CCDC61: variants seen among roughly 807,000 people sequenced by gnomAD.
The protein encoded by CCDC61 is coiled-coil domain containing 61.
CCDC61 carries 55 observed loss-of-function variants against 63.0 expected under a neutral mutation model. That is an observed-to-expected ratio of 0.87 (90% CI 0.70 to 1.09). The LOEUF (loss-of-function observed/expected upper bound fraction) is 1.09. CCDC61 is among the 50% of genes least tolerant of loss of function. The pLI, the probability that CCDC61 is intolerant of heterozygous loss-of-function variation, is 0.00. For synonymous variants in CCDC61, 270 were observed against 317.0 expected, an observed-to-expected ratio of 0.85 and a Z score of 1.58; for missense variants, 651 against 731.4, an observed-to-expected ratio of 0.89 and a Z score of 1.27.
rs1369974250 is a variant in CCDC61, at chr19:46,016,499, C to A, written c.1091+106C>A. 7 of 1,424,766 alleles carry A rather than the reference C, an allele frequency of 4.9e-6. No individual in the cohort carries two copies. In the African/African-American group the frequency reaches 9.9e-5, roughly 20 times the overall value. The allele number at this position is 1,424,766 out of a possible 1,614,324, so 88.3% of individuals were successfully genotyped here. On this transcript the variant is annotated intron_variant, in intron 9 of 13. Transcript: ENST00000595358. The surrounding 1 kb of genome is among the most constrained non-coding windows in gnomAD (Gnocchi z 7.2). Reference sequence around the variant, plus strand: ...CAGTCTCCATCCCCTGCCACCTGCTCGCTTCTCGCCGGATACCCCGCCTGC... The same window carrying A: ...CAGTCTCCATCCCCTGCCACCTGCTAGCTTCTCGCCGGATACCCCGCCTGC...
chr19:45,999,926 C>A, intron 1 of CCDC61: 1 of 705,786 alleles, frequency 1.4e-6, no homozygotes, highest in Non-Finnish European at 1.7e-6. Flanking sequence ...GCCTCGAAGG[C>A]ACCGCTGGGA....
At chr19:45,995,745 G>T (rs538783326) in intron 1 of CCDC61, among the ~76,000 whole-genome samples, 3 of 152,126 alleles carry the variant, frequency 2.0e-5, no homozygotes, top group Non-Finnish European at 4.4e-5. Context: ...GGGGAAAGTT[G>T]TAAAGCAGGA....
Position 46,008,316 on chromosome 19 carries a change from GGTGGGCAGCTGGGGC to G in CCDC61, c.551+17_551+31del. 1 of 1,355,762 alleles carries G rather than the reference GGTGGGCAGCTGGGGC, an allele frequency of 7.4e-7. No homozygotes were observed. The highest frequency in any genetic ancestry group is 1.0e-6 in the Non-Finnish European group (1 of 967,646). The allele number at this position is 1,355,762 out of a possible 1,614,324, so 84.0% of individuals were successfully genotyped here. On this transcript the variant is annotated intron_variant, in intron 5 of 13. Coordinates refer to ENST00000595358, the MANE Select transcript of CCDC61 (RefSeq NM_001267723.2). ...CTGCGGGAGCAGTGAGTCTTGGAGG[GGTGGGCAGCTGGGGC>G]GGGTGGGGGCCCTCCCATCATGCAC...
chr19:46,013,606 C>T (rs1033524743), intron 5 of CCDC61, among the ~76,000 whole-genome samples: 6 of 151,992 alleles, frequency 3.9e-5, no homozygotes, highest in South Asian at 2.1e-4. Flanking sequence ...CGGTGGCTCA[C>T]GCCTGTAATC....
In CCDC61 at chr19:46,016,630, G is replaced by T. The variant is rs1431100208; in HGVS notation, c.1092-64G>T. The stretch of plus-strand genomic sequence containing the variant: ...TGGCGTGGCTGTGACCTTTAGGGGC[G>T]CAGTGACCCCCTTGCCTGCAGGAGT... On this transcript the variant is annotated intron_variant, in intron 9 of 13. Coordinates refer to ENST00000595358, the MANE Select transcript of CCDC61 (RefSeq NM_001267723.2). This position sits in a 1 kb window ranked among gnomAD's most constrained non-coding sequence, Gnocchi z 7.2. The T allele has an allele frequency of 3.8e-6, 6 of 1,590,058 alleles. No individual in the cohort carries two copies. Among genetic ancestry groups the T allele is most frequent in the African/African-American group, 1.3e-5 (1 of 74,430 alleles).
intron 5 of CCDC61, among the ~76,000 whole-genome samples, chr19:46,011,574 A>G (rs1180323830): frequency 6.6e-6 from 1 of 152,248 alleles, no homozygotes. Context: ...ACTTGCAGTG[A>G]AGTGGTGGCT....
At position 46,016,528 on chromosome 19, in the gene CCDC61, C is replaced by T. The variant is rs1968940244; in HGVS notation, c.1091+135C>T. The T allele has an allele frequency of 1.4e-5, 19 of 1,368,384 alleles. No individual in the cohort carries two copies. In the South Asian group the frequency reaches 2.4e-4, roughly 17 times the overall value. 84.8% of individuals were successfully genotyped at this position (1,368,384 alleles called of 1,614,324 possible). Reference sequence around the variant, plus strand: ...TCTCGCCGGATACCCCGCCTGCTCTCCCTTCCGTCCGTCCTACCTCCTCGT... The same window carrying T: ...TCTCGCCGGATACCCCGCCTGCTCTTCCTTCCGTCCGTCCTACCTCCTCGT... On this transcript the variant is annotated intron_variant, in intron 9 of 13. Coordinates refer to ENST00000595358, the MANE Select transcript of CCDC61 (RefSeq NM_001267723.2). The surrounding 1 kb of genome is among the most constrained non-coding windows in gnomAD (Gnocchi z 7.2).
At chr19:46,006,400 T>G (rs928742024) in intron 3 of CCDC61, among the ~76,000 whole-genome samples, 159 bp from the exon 4 acceptor site, 10 of 152,258 alleles carry the variant, frequency 6.6e-5, no homozygotes, top group African/African-American at 1.9e-4. Context: ...GAAGTCCTTG[T>G]GTCTGCCCTA....
Position 46,018,137 on chromosome 19 carries a change from G to C in CCDC61, c.1428G>C (p.Trp476Cys), listed in dbSNP as rs1968986398. 1 of 1,607,536 alleles carries C rather than the reference G, an allele frequency of 6.2e-7. No homozygotes were observed. Among genetic ancestry groups the C allele is most frequent in the African/African-American group, 1.3e-5 (1 of 74,600 alleles). ...HQKSLANSGG[W>C]VPIKEYSSEH... is the part of the protein sequence containing the mutation. ...AATCTCTGGCCAACTCCGGGGGCTG[G>C]GTCCCCATCAAAGGTGAGCCTGGGA... The change falls in exon 13 of 14, where the codon TGG (tryptophan) becomes TGC (cysteine). Residue 476 changes from tryptophan (W) to cysteine (C), a missense_variant. Transcript: ENST00000595358. The surrounding 1 kb of genome is among the most constrained non-coding windows in gnomAD (Gnocchi z 4.2).
At chr19:46,017,204 A>G (rs1240556683) in intron 11 of CCDC61, 43 bp from the exon 12 acceptor site, 2 of 1,546,002 alleles carry the variant, frequency 1.3e-6, no homozygotes, top group South Asian at 1.2e-5. Context: ...GGGAAGTACC[A>G]GAGCCTCCCC....
intron 1 of CCDC61, among the ~76,000 whole-genome samples, chr19:46,000,471 G>A (rs1968570078): frequency 1.3e-5 from 2 of 149,268 alleles, no homozygotes; most frequent in Non-Finnish European, 3.0e-5. Context: ...ATGGAATGAA[G>A]GGGCTTTGGA....
At position 46,016,789 on chromosome 19, in the gene CCDC61, G is replaced by T. The variant is rs1276882654; in HGVS notation, c.1187G>T (p.Gly396Val). 1.0e-5 allele frequency: 16 copies of T among 1,546,886 alleles called. No homozygotes were observed. The highest frequency in any genetic ancestry group is 1.4e-5 in the African/African-American group (1 of 73,044). The change falls in exon 10 of 14, where the codon GGC becomes GTC. Residue 396 changes from glycine to valine, a missense_variant. Physicochemically the swap from Gly to Val is moderately radical, Grantham distance 109. Transcript: ENST00000595358. This position sits in a 1 kb window ranked among gnomAD's most constrained non-coding sequence, Gnocchi z 7.2. ...ACCCAGCCCCCTGCTGCCTTGACTGGCCGAGGGGACGCCCCTAACCGCTCC... is the reference window on the plus strand; with the variant it reads ...ACCCAGCCCCCTGCTGCCTTGACTGTCCGAGGGGACGCCCCTAACCGCTCC... ...RQTQPPAALT[G>V]RGDAPNRSRN...
chr19:46,014,108 CAG>C (rs1217301941), intron 5 of CCDC61, among the ~76,000 whole-genome samples: 3 of 151,980 alleles, frequency 2.0e-5, no homozygotes, highest in African/African-American at 4.8e-5. Flanking sequence ...AGGGTACATT[CAG>C]AGAGGTCCAA....
At chr19:46,001,170 CA>C (rs1166013829) in intron 1 of CCDC61, among the ~76,000 whole-genome samples, 1 of 152,060 alleles carries the variant, frequency 6.6e-6, no homozygotes, top group Non-Finnish European at 1.5e-5. Context: ...GCATTGGGGT[CA>C]GGGGATGTGG....
In CCDC61 at chr19:46,004,835, CTTTTTTTTTTTTT is replaced by C. The variant is rs748867869; in HGVS notation, c.231+1348_231+1360del. Among the ~76,000 whole-genome samples, 42 of 95,268 alleles carry C rather than the reference CTTTTTTTTTTTTT, an allele frequency of 4.4e-4. No individual in the cohort carries two copies. In the South Asian group the frequency reaches 6.8e-3, roughly 15 times the overall value. 62.5% of individuals were successfully genotyped at this position (95,268 alleles called of 152,430 possible). ...ACAGGGATGGGTGGTATTTAGATAT[CTTTTTTTTTTTTT>C]TTTTTTTTTTTTTGAGACAAGAGTT... On this transcript the variant is annotated intron_variant, in intron 3 of 13. Coordinates refer to ENST00000595358, the MANE Select transcript of CCDC61 (RefSeq NM_001267723.2).
chr19:46,016,383 A>T lies in CCDC61; in HGVS notation c.1081A>T (p.Ile361Phe). 1 of 1,613,796 alleles carries T rather than the reference A, an allele frequency of 6.2e-7. No homozygotes were observed. Among genetic ancestry groups the T allele is most frequent in the Non-Finnish European group, 8.5e-7 (1 of 1,179,850 alleles). ...AGCCAAGGAAAGGAAGCAGAGAGAG[A>T]TCCAGATGAAGTCAGTGCCCCTTCC... ...VKAKERKQRE[I>F]QMKQQQRNRL... The change falls in exon 9 of 14, where the codon ATC becomes TTC. Residue 361 changes from isoleucine to phenylalanine, a missense_variant. Physicochemically the swap from Ile to Phe is conservative, Grantham distance 21. Coordinates refer to ENST00000595358, the MANE Select transcript of CCDC61 (RefSeq NM_001267723.2). The surrounding 1 kb of genome is among the most constrained non-coding windows in gnomAD (Gnocchi z 7.2).
Position 46,018,252 on chromosome 19 carries a change from G to T in CCDC61, c.1442-38G>T, listed in dbSNP as rs201827714. 4 of 1,549,038 alleles carry T rather than the reference G, an allele frequency of 2.6e-6. No homozygotes were observed. The East Asian group carries it at 7.3e-5, about 28-fold the overall frequency. ...GCCCAGGAACTCCCTGGGGCTTCAG[G>T]CCCCTCACAGCCCCCATACCCACAC... is the stretch of plus-strand genomic sequence containing the variant. On this transcript the variant is annotated intron_variant, in intron 13 of 13. Coordinates refer to ENST00000595358, the MANE Select transcript of CCDC61 (RefSeq NM_001267723.2). The surrounding 1 kb of genome is among the most constrained non-coding windows in gnomAD (Gnocchi z 4.2).
chr19:46,000,725 G>A (rs1446482364), intron 1 of CCDC61, among the ~76,000 whole-genome samples: 1 of 152,018 alleles, frequency 6.6e-6, no homozygotes, highest in African/African-American at 2.4e-5. Flanking sequence ...GCCGGGCAGC[G>A]GGTGAAGTTT....
intron 12 of CCDC61, among the ~76,000 whole-genome samples, chr19:46,017,777 G>A (rs545950919): frequency 1.1e-3 from 170 of 152,290 alleles, no homozygotes; most frequent in Non-Finnish European, 1.7e-3. Flanking sequence ...GCTTCTGACT[G>A]TCAGGTCTTG....
Sources: gnomAD v4.1 joint callset for allele counts (sites outside exome capture counted in the v4.1 genomes callset) on GRCh38, gnomAD v4.1.1 for gene constraint, Gnocchi (gnomAD v3.1) non-coding constraint, MANE v1.5 for transcripts, NCBI Gene and HGNC (gene_info 2026-07-23, HGNC 2026-07-21) for gene names.